The following ODAD1 variants were observed in gnomAD, a reference collection of about 807,000 sequenced individuals.
ODAD1 encodes the protein outer dynein arm-docking complex subunit 1.
A neutral mutation model predicts 67.2 loss-of-function variants in ODAD1; 49 were observed. The ratio of observed to expected loss-of-function variants is 0.73; its 90% CI spans 0.58 to 0.92. The LOEUF (loss-of-function observed/expected upper bound fraction) is 0.92, where lower values mean the gene tolerates loss of function less well. Ranked by LOEUF, ODAD1 falls within the 40% of genes least tolerant of loss-of-function variation. The pLI, the probability that ODAD1 is intolerant of heterozygous loss-of-function variation, is 0.00. For synonymous variants in ODAD1, 345 were observed against 393.7 expected (o/e 0.88, Z 1.46); for missense variants, 897 against 953.7 (o/e 0.94, Z 0.78).
At chr19:48,297,568 C>T (rs373981910) in intron 15 of ODAD1, 22 bp downstream of exon 15, 3 of 1,572,292 alleles carry the variant, frequency 1.9e-6, no homozygotes, top group East Asian at 2.3e-5. Flanking sequence ...CCTGGCCCCA[C>T]CCCCGCAGGC....
Position 48,318,426 on chromosome 19 carries a change from G to A in ODAD1, c.321C>T (p.Ile107=), listed in dbSNP as rs545791324. 1.0e-5 allele frequency: 16 copies of A among 1,551,572 alleles called. No homozygotes were observed. Among genetic ancestry groups the A allele is most frequent in the South Asian group, 4.8e-5 (4 of 84,048 alleles). ...LKGRAQVQAE[I]EELQEQTRAL... The stretch of plus-strand genomic sequence containing the variant: ...CCCTGGTCTGCTCCTGCAGCTCCTC[G>A]ATCTCCGCCTGCACCTGGGCCCGGC... Residue 107 remains isoleucine (I), a synonymous_variant, in exon 5 of 16, where the codon ATC becomes ATT. Coordinates refer to ENST00000674294, the MANE Select transcript of ODAD1 (RefSeq NM_001364171.2).
intron 7 of ODAD1, among the ~76,000 whole-genome samples, chr19:48,308,964 A>G (rs1968688387): frequency 6.6e-6 from 1 of 151,260 alleles, no homozygotes; most frequent in Non-Finnish European, 1.5e-5. Flanking sequence ...GCCCCTTCCG[A>G]GTTGGTGGGG....
intron 7 of ODAD1, among the ~76,000 whole-genome samples, chr19:48,309,942 T>C (rs958419214): frequency 6.6e-6 from 1 of 152,070 alleles, no homozygotes; most frequent in African/African-American, 2.4e-5. Flanking sequence ...TGAAGAAAGA[T>C]CAGATAAACC....
intron 12 of ODAD1, 53 bp downstream of exon 12, chr19:48,302,641 G>A (rs922982073): frequency 2.9e-5 from 44 of 1,504,414 alleles, no homozygotes; most frequent in Admixed American, 1.2e-4. Flanking sequence ...GGCTGATGGT[G>A]TCCTTCCAAG....
intron 12 of ODAD1, among the ~76,000 whole-genome samples, chr19:48,301,815 C>CTGGA (rs201641397): frequency 0.048 from 7,034 of 145,372 alleles, 193 homozygotes; most frequent in African/African-American, 0.075. Context: ...GGAATAGATC[C>CTGGA]TGGATGGATG....
At chr19:48,321,124 G>A (rs1329560184) in intron 1 of ODAD1, among the ~76,000 whole-genome samples, 1 of 152,218 alleles carries the variant, frequency 6.6e-6, no homozygotes, top group Non-Finnish European at 1.5e-5. Flanking sequence ...TGTAATCCCA[G>A]CTACTCAGGA....
At position 48,303,709 on chromosome 19, in the gene ODAD1, T is replaced by C. The variant is rs774457894; in HGVS notation, c.929A>G (p.Lys310Arg). Residue 310 changes from lysine (K) to arginine (R), a missense_variant, in exon 10 of 16, where the codon AAA (lysine) becomes AGA (arginine). Lys to Arg is a conservative substitution (Grantham distance 26). Transcript: ENST00000674294. ...ACTCTCCCCCATCAGCTGGGACAGT[T>C]TATTCAGGGCGTCCTCGTAGCAAAG... ...LVLCYEDALN[K>R]LSQLMGESDP... 6.2e-7 allele frequency: 1 copy of C among 1,614,088 alleles called. No homozygotes were observed. Among genetic ancestry groups the C allele is most frequent in the Non-Finnish European group, 8.5e-7 (1 of 1,179,974 alleles).
At chr19:48,310,596 T>G (rs1262389130) in intron 7 of ODAD1, among the ~76,000 whole-genome samples, 2 of 152,194 alleles carry the variant, frequency 1.3e-5, no homozygotes, top group Non-Finnish European at 2.9e-5. Flanking sequence ...GTCTACAACA[T>G]ATTGTCAAAC....
At chr19:48,309,635 C>T (rs1248607174) in intron 7 of ODAD1, among the ~76,000 whole-genome samples, 1 of 152,188 alleles carries the variant, frequency 6.6e-6, no homozygotes, top group Non-Finnish European at 1.5e-5. Flanking sequence ...CGGGCAAAGG[C>T]ACCACTGGCC....
chr19:48,316,961 C>A (rs1968914385), intron 5 of ODAD1, among the ~76,000 whole-genome samples: 1 of 152,136 alleles, frequency 6.6e-6, no homozygotes, highest in Non-Finnish European at 1.5e-5. Context: ...ATCCTGCCAG[C>A]CACTGCACTC....
chr19:48,303,947 C>G lies in ODAD1; in HGVS notation c.853+6G>C, dbSNP rs374808728. 58 of 1,612,930 alleles carry G rather than the reference C, an allele frequency of 3.6e-5. No homozygotes were observed. Among genetic ancestry groups the G allele is most frequent in the Non-Finnish European group, 4.7e-5 (55 of 1,179,234 alleles). ...TGAGATGCAAAGGCAGCAGCCCCAGCCTCACCCTGCTTTTCACGCTTCTCC... is the reference window on the plus strand; with the variant it reads ...TGAGATGCAAAGGCAGCAGCCCCAGGCTCACCCTGCTTTTCACGCTTCTCC... On this transcript the variant is annotated splice_donor_region_variant and intron_variant, in intron 9 of 15. Coordinates refer to ENST00000674294, the MANE Select transcript of ODAD1 (RefSeq NM_001364171.2).
Position 48,306,325 on chromosome 19 carries a change from T to C in ODAD1, c.598-2A>G, listed in dbSNP as rs606231239. 20 of 1,550,450 alleles carry C rather than the reference T, an allele frequency of 1.3e-5. No individual in the cohort carries two copies. The highest frequency in any genetic ancestry group is 3.9e-5 in the Admixed American group (2 of 50,956). On this transcript the variant is annotated splice_acceptor_variant, in intron 7 of 15. Coordinates refer to ENST00000674294, the MANE Select transcript of ODAD1 (RefSeq NM_001364171.2). LOFTEE classifies it high-confidence loss of function. Reference sequence around the variant, plus strand: ...CAGGTGATGCAGGTGGTGGATCTCCTGTGGGGGGAGGAGAAAAAAATCAGT... The same window carrying C: ...CAGGTGATGCAGGTGGTGGATCTCCCGTGGGGGGAGGAGAAAAAAATCAGT...
chr19:48,313,518 G>C (rs909283451), intron 5 of ODAD1, among the ~76,000 whole-genome samples: 1 of 151,326 alleles, frequency 6.6e-6, no homozygotes, highest in Non-Finnish European at 1.5e-5. Flanking sequence ...TGGAGACAGA[G>C]TCTTCATAGA....
chr19:48,317,612 G>A (rs1968932693), intron 5 of ODAD1, among the ~76,000 whole-genome samples: 1 of 152,018 alleles, frequency 6.6e-6, no homozygotes, highest in East Asian at 1.9e-4. Flanking sequence ...CTGGGACTGT[G>A]CTAAAGCAGC....
rs529855085 is a variant in ODAD1 at position 48,306,115 on chromosome 19, G to A, written c.665+141C>T. ...GGAGGTGGGGAACTGGTGGCGGGGAGAGAGAAAAAGGGGATATTATGGGAG... is the reference window on the plus strand; with the variant it reads ...GGAGGTGGGGAACTGGTGGCGGGGAAAGAGAAAAAGGGGATATTATGGGAG... On this transcript the variant is annotated intron_variant, in intron 8 of 15. Transcript: ENST00000674294. 4.2e-4 allele frequency: 528 copies of A among 1,267,210 alleles called. 2 individuals carry two copies. In the African/African-American group the frequency reaches 7.6e-3, roughly 18 times the overall value. The allele number at this position is 1,267,210 out of a possible 1,614,324, so 78.5% of individuals were successfully genotyped here.
intron 5 of ODAD1, among the ~76,000 whole-genome samples, chr19:48,314,583 T>A (rs1968850048): frequency 6.6e-6 from 1 of 152,132 alleles, no homozygotes; most frequent in Non-Finnish European, 1.5e-5. Flanking sequence ...GGCGCTATCA[T>A]CCTTTTGAAG....
chr19:48,303,267 T>A, intron 10 of ODAD1, 172 bp from the exon 11 acceptor site: 5 of 643,042 alleles, frequency 7.8e-6, no homozygotes, highest in Non-Finnish European at 2.8e-6. Context: ...CAAAGAGGTG[T>A]GGGAAGATAC....
At chr19:48,306,983 G>A (rs1374731219) in intron 7 of ODAD1, among the ~76,000 whole-genome samples, 1 of 152,078 alleles carries the variant, frequency 6.6e-6, no homozygotes, top group Non-Finnish European at 1.5e-5. Context: ...GGGAGTTTGA[G>A]ACCAGCCTGA....
intron 5 of ODAD1, among the ~76,000 whole-genome samples, chr19:48,315,751 T>C (rs573436757): frequency 2.0e-5 from 3 of 152,298 alleles, no homozygotes; most frequent in Non-Finnish European, 4.4e-5. Context: ...TGGAATTGTA[T>C]AGTAAGGACT....
Sources: gnomAD v4.1 joint callset for allele counts (sites outside exome capture counted in the v4.1 genomes callset) on GRCh38, gnomAD v4.1.1 for gene constraint, MANE v1.5 for transcripts, NCBI Gene and HGNC (gene_info 2026-07-23, HGNC 2026-07-21) for gene names.